The following TRIM2 variants were observed in gnomAD, a reference collection of about 807,000 sequenced individuals.
The protein encoded by TRIM2 is tripartite motif containing 2.
TRIM2 carries 20 observed loss-of-function variants against 75.2 expected under a neutral mutation model. That is an observed-to-expected ratio of 0.27 (90% confidence interval 0.19 to 0.39). The LOEUF (loss-of-function observed/expected upper bound fraction) is 0.39. TRIM2 is among the 10% of genes least tolerant of loss of function. The pLI, the probability that TRIM2 is intolerant of heterozygous loss-of-function variation, is 1.00. For missense variants in TRIM2, 660 were observed against 990.8 expected, an observed-to-expected ratio of 0.67 and a Z score of 4.48; for synonymous variants, 373 against 388.3, an observed-to-expected ratio of 0.96 and a Z score of 0.46.
chr4:153,322,817 G>A lies in TRIM2; in HGVS notation c.1951+1G>A. On this transcript the variant is annotated splice_donor_variant, in intron 9 of 11. Transcript: ENST00000338700. LOFTEE classifies it high-confidence loss of function. ...GGAAATGGGGACAGGCAGTTTGCAG[G>A]TACACTCGATGGTAATATGTAAACC... 6.2e-7 allele frequency: 1 copy of A among 1,614,134 alleles called. No individual in the cohort carries two copies. The highest frequency in any genetic ancestry group is 8.5e-7 in the Non-Finnish European group (1 of 1,180,014).
chr4:153,259,833 C>T (rs1382581300), intron 1 of TRIM2, among the ~76,000 whole-genome samples: 1 of 152,084 alleles, frequency 6.6e-6, no homozygotes, highest in Non-Finnish European at 1.5e-5. Flanking sequence ...TTAGATTGGA[C>T]CAGAAAGTGA....
intron 1 of TRIM2, among the ~76,000 whole-genome samples, chr4:153,232,053 T>A (rs544164777): frequency 6.6e-6 from 1 of 152,116 alleles, no homozygotes; most frequent in African/African-American, 2.4e-5. Context: ...TTCCAAAATA[T>A]GAAAAAAAAC....
chr4:153,290,854 C>A (rs1761707371), intron 3 of TRIM2, among the ~76,000 whole-genome samples: 1 of 152,130 alleles, frequency 6.6e-6, no homozygotes, highest in Non-Finnish European at 1.5e-5. Context: ...GTCTCAAACC[C>A]CTGGCCTCAA....
chr4:153,317,462 C>A (rs1767920205), intron 8 of TRIM2, among the ~76,000 whole-genome samples: 1 of 150,012 alleles, frequency 6.7e-6, no homozygotes, highest in Non-Finnish European at 1.5e-5. Context: ...TCCTGGCTAA[C>A]ACGGTGAAAC....
At chr4:153,160,812 G>A (rs1018524279) in intron 1 of TRIM2, among the ~76,000 whole-genome samples, 4 of 151,804 alleles carry the variant, frequency 2.6e-5, no homozygotes, top group African/African-American at 7.3e-5. Context: ...TATGTTGCCC[G>A]GGGCTGATCT....
Position 153,307,450 on chromosome 4 carries a change from TA to T in TRIM2, c.1511-8034del, listed in dbSNP as rs200687116. On this transcript the variant is annotated intron_variant, in intron 6 of 11. Transcript: ENST00000338700. Reference sequence around the variant, plus strand: ...AGAGACTTTACAGGAAAAAAATATATATTTTTTTACTTGTTTCTAAAGTACA... The same window carrying T: ...AGAGACTTTACAGGAAAAAAATATATTTTTTTTACTTGTTTCTAAAGTACA... Among the ~76,000 whole-genome samples, 1,023 of 152,270 alleles carry T rather than the reference TA, an allele frequency of 6.7e-3. 11 individuals carry two copies. Among genetic ancestry groups the T allele is most frequent in the African/African-American group, 0.023 (963 of 41,546 alleles).
rs564745787 is a variant in TRIM2, at chr4:153,263,658, G to A, written c.31-6677G>A. ...AAATATATAAATTACATAGTATGTC[G>A]GAAGGCTTAGTTCCAGCTGCTATAA... On this transcript the variant is annotated intron_variant, in intron 1 of 11. Transcript: ENST00000338700. Among the ~76,000 whole-genome samples the A allele has an allele frequency of 4.6e-5, 7 of 152,236 alleles. 1 individual carries two copies. The South Asian group carries it at 6.2e-4, about 14-fold the overall frequency.
intron 1 of TRIM2, among the ~76,000 whole-genome samples, chr4:153,263,351 T>C (rs1754061351): frequency 6.6e-6 from 1 of 151,750 alleles, no homozygotes. Context: ...AAAAAGACTA[T>C]CACATTGGGA....
intron 1 of TRIM2, among the ~76,000 whole-genome samples, chr4:153,263,714 A>G (rs1226379024): frequency 6.6e-6 from 1 of 152,228 alleles, no homozygotes; most frequent in Non-Finnish European, 1.5e-5. Context: ...TGACTTAAAC[A>G]AAAAGAATGT....
intron 10 of TRIM2, 50 bp from the exon 11 acceptor site, chr4:153,328,480 G>T (rs769502934): frequency 7.3e-6 from 11 of 1,513,958 alleles, no homozygotes; most frequent in South Asian, 1.3e-5. Context: ...CATCATGTTG[G>T]TTCAAGTATT....
intron 1 of TRIM2, among the ~76,000 whole-genome samples, chr4:153,177,229 G>A (rs1402703924): frequency 2.6e-5 from 4 of 152,214 alleles, no homozygotes; most frequent in African/African-American, 7.2e-5. Flanking sequence ...CATAAGACGA[G>A]GTTCTCTGAA....
At chr4:153,238,960 G>A (rs1483842169) in intron 1 of TRIM2, among the ~76,000 whole-genome samples, 2 of 152,176 alleles carry the variant, frequency 1.3e-5, no homozygotes, top group African/African-American at 4.8e-5. Context: ...GACGGTATTT[G>A]GAGACGGAGC....
intron 6 of TRIM2, among the ~76,000 whole-genome samples, chr4:153,314,185 C>T (rs1270194402): frequency 6.9e-6 from 1 of 144,678 alleles, no homozygotes; most frequent in Non-Finnish European, 1.5e-5. Flanking sequence ...GAGAGTCTAG[C>T]CGAGGCGGGC....
chr4:153,264,763 G>A (rs1754478410), intron 1 of TRIM2, among the ~76,000 whole-genome samples: 1 of 152,148 alleles, frequency 6.6e-6, no homozygotes, highest in Non-Finnish European at 1.5e-5. Context: ...GTCCCATTAG[G>A]AGTAGTCAAA....
At chr4:153,228,400 A>AG (rs1742720574) in intron 1 of TRIM2, among the ~76,000 whole-genome samples, 1 of 152,236 alleles carries the variant, frequency 6.6e-6, no homozygotes, top group South Asian at 2.1e-4. Flanking sequence ...AAGTAACTCC[A>AG]GGGAGAAAAA....
At chr4:153,159,085 C>T (rs562673923) in intron 1 of TRIM2, among the ~76,000 whole-genome samples, 15 of 152,098 alleles carry the variant, frequency 9.9e-5, no homozygotes, top group Admixed American at 3.3e-4. Context: ...ATAAAGTGTC[C>T]GGCACTGTTC....
chr4:153,230,008 C>T (rs201074975), intron 1 of TRIM2, among the ~76,000 whole-genome samples: 39 of 152,162 alleles, frequency 2.6e-4, no homozygotes, highest in African/African-American at 8.4e-4. Flanking sequence ...TGATGGGGGC[C>T]GAGGGGGACA....
chr4:153,261,116 A>T (rs77033664), intron 1 of TRIM2, among the ~76,000 whole-genome samples: 134 of 152,316 alleles, frequency 8.8e-4, no homozygotes, highest in African/African-American at 3.1e-3. Context: ...GCATGTCTGC[A>T]TGAGAACAAT....
intron 1 of TRIM2, among the ~76,000 whole-genome samples, chr4:153,232,079 C>T (rs542059009): frequency 2.2e-4 from 34 of 152,292 alleles, no homozygotes; most frequent in African/African-American, 7.9e-4. Flanking sequence ...TCCAAAAATA[C>T]TTCCGGCCCC....
Sources: gnomAD v4.1 joint callset for allele counts (sites outside exome capture counted in the v4.1 genomes callset) on GRCh38, gnomAD v4.1.1 for gene constraint, MANE v1.5 for transcripts, NCBI Gene and HGNC (gene_info 2026-07-23, HGNC 2026-07-21) for gene names.